CEP128: variants seen among roughly 807,000 people sequenced by gnomAD.
The protein encoded by CEP128 is centrosomal protein 128.
A neutral mutation model predicts 156.7 loss-of-function variants in CEP128; 132 were observed. The observed-to-expected ratio is 0.84, with a 90% CI of 0.73 to 0.97. The LOEUF (loss-of-function observed/expected upper bound fraction) is 0.97. Among genes scored for constraint, CEP128 ranks in the 50% least tolerant of loss-of-function variants. The pLI, the probability that CEP128 is intolerant of heterozygous loss-of-function variation, is 0.00. For synonymous variants in CEP128, 469 were observed against 448.9 expected (o/e 1.04, Z -0.57); for missense variants, 1,252 against 1,281.9 (o/e 0.98, Z 0.36).
At chr14:80,875,922 G>A (rs188368948) in intron 8 of CEP128, among the ~76,000 whole-genome samples, 2 of 152,014 alleles carry the variant, frequency 1.3e-5, no homozygotes, top group Admixed American at 1.3e-4. Flanking sequence ...GTCTTCTAAG[G>A]CTCAATTAAA....
At chr14:80,715,311 C>T (rs1262333421) in intron 19 of CEP128, among the ~76,000 whole-genome samples, 1 of 152,096 alleles carries the variant, frequency 6.6e-6, no homozygotes, top group Non-Finnish European at 1.5e-5. Context: ...AATAGTCTTC[C>T]TACTCTGAAA....
At chr14:80,955,124 C>A (rs1247932422) in intron 2 of CEP128, 2 of 191,256 alleles carry the variant, frequency 1.0e-5, no homozygotes, top group Non-Finnish European at 2.2e-5. Context: ...GCAGAGGTGT[C>A]TCTGGCCAGG....
chr14:80,521,519 C>G (rs908693011), intron 23 of CEP128, among the ~76,000 whole-genome samples: 1 of 152,096 alleles, frequency 6.6e-6, no homozygotes, highest in Admixed American at 6.5e-5. Context: ...AACTGGCAAC[C>G]TTTCGTTTAA....
intron 20 of CEP128, among the ~76,000 whole-genome samples, chr14:80,573,447 T>A (rs1891231564): frequency 6.6e-6 from 1 of 152,196 alleles, no homozygotes; most frequent in African/African-American, 2.4e-5. Flanking sequence ...TTTTTATATT[T>A]CTTTTATTCT....
chr14:80,704,821 G>GT (rs1156870789), intron 19 of CEP128, among the ~76,000 whole-genome samples: 1 of 150,666 alleles, frequency 6.6e-6, no homozygotes, highest in Non-Finnish European at 1.5e-5. Flanking sequence ...CTCTTGCCTC[G>GT]TTTTTTCCTT....
At chr14:80,747,184 T>C (rs1243926305) in intron 18 of CEP128, among the ~76,000 whole-genome samples, 10 of 152,238 alleles carry the variant, frequency 6.6e-5, no homozygotes, top group Non-Finnish European at 1.0e-4. Context: ...AGTTACTTTA[T>C]GGGTTAAACA....
chr14:80,622,546 C>A (rs1241721892), intron 19 of CEP128, among the ~76,000 whole-genome samples: 1 of 149,890 alleles, frequency 6.7e-6, no homozygotes, highest in Non-Finnish European at 1.5e-5. Flanking sequence ...AGAAAATTTT[C>A]GCAACCTACT....
intron 24 of CEP128, among the ~76,000 whole-genome samples, chr14:80,502,983 A>C (rs2065748054): frequency 6.6e-6 from 1 of 152,134 alleles, no homozygotes; most frequent in African/African-American, 2.4e-5. Context: ...TTCTAGAAAT[A>C]ATTATAATTC....
upstream of CEP128, among the ~76,000 whole-genome samples, chr14:80,946,107 A>C (rs527517207): frequency 7.2e-5 from 11 of 152,190 alleles, no homozygotes; most frequent in Non-Finnish European, 1.3e-4. Context: ...CTTCATGTGT[A>C]GAGGTGTTTG....
intron 19 of CEP128, among the ~76,000 whole-genome samples, chr14:80,718,162 G>GCA (rs2139445470): frequency 6.6e-6 from 1 of 152,276 alleles, no homozygotes; most frequent in African/African-American, 2.4e-5. Context: ...TTGAAGGTGT[G>GCA]AATGACATGA....
chr14:80,708,843 A>G (rs1233936935), intron 19 of CEP128, among the ~76,000 whole-genome samples: 1 of 152,084 alleles, frequency 6.6e-6, no homozygotes, highest in Non-Finnish European at 1.5e-5. Flanking sequence ...GAATAGATCT[A>G]ATTTTTATAT....
intron 23 of CEP128, among the ~76,000 whole-genome samples, chr14:80,510,803 G>T (rs1021990579): frequency 6.6e-6 from 1 of 151,492 alleles, no homozygotes; most frequent in African/African-American, 2.4e-5. Flanking sequence ...TGAGTTTTTT[G>T]AGGGGTTTTT....
rs371040496 is a variant in CEP128, at chr14:80,850,212, G to A, written c.763-9444C>T. On this transcript the variant is annotated intron_variant, in intron 9 of 24. Transcript: ENST00000555265. ...TGTGTCATACTTTTTAACAGCAGAG[G>A]GTAACACCGTTTCAAATTTAAATTT... Among the ~76,000 whole-genome samples the A allele has an allele frequency of 3.9e-5, 6 of 152,082 alleles. No homozygotes were observed. The South Asian group carries it at 1.2e-3, about 32-fold the overall frequency.
chr14:80,946,990 C>G (rs573990997), intron 2 of CEP128, among the ~76,000 whole-genome samples: 1 of 152,292 alleles, frequency 6.6e-6, no homozygotes, highest in South Asian at 2.1e-4. Context: ...CTCCCTTTCT[C>G]CCACTCTGCC....
chr14:80,546,372 C>T (rs1031548865), intron 21 of CEP128, among the ~76,000 whole-genome samples: 2 of 152,166 alleles, frequency 1.3e-5, no homozygotes, highest in African/African-American at 4.8e-5. Context: ...TTCTAACTCC[C>T]ATCCAACAGA....
chr14:80,875,066 GCT>G (rs1888217126), intron 8 of CEP128, among the ~76,000 whole-genome samples: 1 of 152,186 alleles, frequency 6.6e-6, no homozygotes, highest in African/African-American at 2.4e-5. Context: ...AGAAAAGGCA[GCT>G]GAGACACTGA....
chr14:80,847,343 T>C lies in CEP128; in HGVS notation c.763-6575A>G, dbSNP rs566835797. 4.6e-5 allele frequency among the ~76,000 whole-genome samples: 7 copies of C among 152,244 alleles called. No individual in the cohort carries two copies. In the South Asian group the frequency reaches 1.5e-3, roughly 32 times the overall value. Reference sequence around the variant, plus strand: ...TAGTCAATCATTCTTCACCATCCATTTTCTTTTTATCAGCATGTCGACATT... The same window carrying C: ...TAGTCAATCATTCTTCACCATCCATCTTCTTTTTATCAGCATGTCGACATT... On this transcript the variant is annotated intron_variant, in intron 9 of 24. Transcript: ENST00000555265.
intron 21 of CEP128, among the ~76,000 whole-genome samples, chr14:80,532,411 T>G (rs1889270175): frequency 6.6e-6 from 1 of 152,156 alleles, no homozygotes; most frequent in Non-Finnish European, 1.5e-5. Context: ...CTTTCCTATT[T>G]GAAATCTCCC....
At chr14:80,665,274 T>C (rs1249964801) in intron 19 of CEP128, among the ~76,000 whole-genome samples, 10 of 152,134 alleles carry the variant, frequency 6.6e-5, no homozygotes, top group East Asian at 1.9e-4. Flanking sequence ...ATAGCACCAA[T>C]AGTCAAAACT....
Sources: allele counts gnomAD v4.1 joint callset (sites outside exome capture counted in the v4.1 genomes callset), GRCh38; gene constraint gnomAD v4.1.1; transcripts MANE v1.5; gene names NCBI Gene and HGNC (gene_info 2026-07-23, HGNC 2026-07-21).